The following UHRF1 variants were observed in gnomAD, a reference collection of about 807,000 sequenced individuals.
UHRF1 encodes the protein ubiquitin like with PHD and ring finger domains 1.
A neutral mutation model predicts 96.5 loss-of-function variants in UHRF1; 9 were observed. The ratio of observed to expected loss-of-function variants is 0.09; its 90% CI spans 0.06 to 0.16. The LOEUF is 0.16. Ranked by LOEUF, UHRF1 falls within the 10% of genes least tolerant of loss-of-function variation. The pLI, the probability that UHRF1 is intolerant of heterozygous loss-of-function variation, is 1.00. For synonymous variants in UHRF1, 455 were observed against 469.9 expected (o/e 0.97, Z 0.41); for missense variants, 626 against 1,131.1 (o/e 0.55, Z 6.40).
chr19:4,943,896 C>T (rs1278979008), intron 7 of UHRF1, among the ~76,000 whole-genome samples: 1 of 152,198 alleles, frequency 6.6e-6, no homozygotes, highest in Non-Finnish European at 1.5e-5. Context: ...GGTGATCTGC[C>T]CGCCTCGGCC....
At position 4,911,600 on chromosome 19, in the gene UHRF1, C is replaced by T. The variant is rs749448667; in HGVS notation, c.153+562C>T. Among the ~76,000 whole-genome samples the T allele has an allele frequency of 1.1e-4, 17 of 152,294 alleles. No homozygotes were observed. In the South Asian group the frequency reaches 1.4e-3, roughly 13 times the overall value. ...TGCTGCGGCTGCTGCTGACCTGGGG[C>T]GTGTGGTCCCCGAGGGGTCCACCGA... On this transcript the variant is annotated intron_variant, in intron 2 of 16. Coordinates refer to ENST00000650932, the MANE Select transcript of UHRF1 (RefSeq NM_001048201.3).
chr19:4,957,297 G>GTTTTTTTTT (rs59654364), intron 16 of UHRF1, among the ~76,000 whole-genome samples: 2 of 51,100 alleles, frequency 3.9e-5, no homozygotes, highest in African/African-American at 1.5e-4. Flanking sequence ...CCAGCTGATG[G>GTTTTTTTTT]TTTTTTTTTT....
At chr19:4,949,965 G>T (rs952860072) in intron 11 of UHRF1, among the ~76,000 whole-genome samples, 1 of 151,896 alleles carries the variant, frequency 6.6e-6, no homozygotes, top group Non-Finnish European at 1.5e-5. Context: ...CACCTCCTTG[G>T]GCTCCACTGA....
At chr19:4,929,117 C>T (rs1303635588) in intron 2 of UHRF1, 105 bp from the exon 3 acceptor site, 3 of 1,454,354 alleles carry the variant, frequency 2.1e-6, no homozygotes, top group African/African-American at 2.8e-5. Flanking sequence ...AGATTGCCCC[C>T]CCCCCACAAG....
At chr19:4,922,268 T>A (rs2032725245) in intron 2 of UHRF1, among the ~76,000 whole-genome samples, 1 of 151,360 alleles carries the variant, frequency 6.6e-6, no homozygotes, top group African/African-American at 2.4e-5. Flanking sequence ...ATGTTTTCAT[T>A]TATTTATTTG....
At chr19:4,943,087 A>G (rs936187272) in intron 7 of UHRF1, among the ~76,000 whole-genome samples, 1 of 151,818 alleles carries the variant, frequency 6.6e-6, no homozygotes, top group Non-Finnish European at 1.5e-5. Flanking sequence ...AAAATACAAA[A>G]AAGTTAGCCA....
intron 2 of UHRF1, among the ~76,000 whole-genome samples, chr19:4,920,897 G>A (rs1038084128): frequency 2.0e-5 from 3 of 152,018 alleles, no homozygotes; most frequent in African/African-American, 4.8e-5. Context: ...AGGCCAAGGC[G>A]GGTGGATCAC....
At chr19:4,953,883 T>G (rs1217347483) in intron 13 of UHRF1, among the ~76,000 whole-genome samples, 1 of 152,040 alleles carries the variant, frequency 6.6e-6, no homozygotes, top group Non-Finnish European at 1.5e-5. Flanking sequence ...CCATCTCTAC[T>G]AAAAATACAA....
chr19:4,943,253 AG>A (rs376638733), intron 7 of UHRF1, among the ~76,000 whole-genome samples: 1 of 151,780 alleles, frequency 6.6e-6, no homozygotes, highest in Admixed American at 6.6e-5. Context: ...ACAAAAAAAA[AG>A]GGGGGGTGGT....
chr19:4,912,359 C>G (rs1484544826), intron 2 of UHRF1, among the ~76,000 whole-genome samples: 1 of 152,216 alleles, frequency 6.6e-6, no homozygotes, highest in Non-Finnish European at 1.5e-5. Context: ...GCACAGAAGG[C>G]TTCATTTCAC....
chr19:4,930,979 A>G lies in UHRF1; in HGVS notation c.569+103A>G, dbSNP rs1284772381. ...AGCTTGGCACTGTCTCGAGATGGTG[A>G]TCAGGATCTGGGGCCCCATCCTCGA... is the stretch of plus-strand genomic sequence containing the variant. On this transcript the variant is annotated intron_variant, in intron 4 of 16. Transcript: ENST00000650932. This position sits in a 1 kb window ranked among gnomAD's most constrained non-coding sequence, Gnocchi z 4.4. The G allele has an allele frequency of 5.3e-6, 8 of 1,509,880 alleles. No individual in the cohort carries two copies. The highest frequency in any genetic ancestry group is 7.2e-6 in the Non-Finnish European group (8 of 1,110,266). 93.5% of individuals were successfully genotyped at this position (1,509,880 alleles called of 1,614,324 possible).
intron 5 of UHRF1, among the ~76,000 whole-genome samples, chr19:4,941,053 A>G (rs1340304502): frequency 2.1e-5 from 3 of 142,218 alleles, no homozygotes; most frequent in Non-Finnish European, 4.5e-5. Context: ...TTCCCAGGGC[A>G]TCCTGCAATG....
At chr19:4,922,141 C>T (rs1270190428) in intron 2 of UHRF1, among the ~76,000 whole-genome samples, 2 of 152,046 alleles carry the variant, frequency 1.3e-5, no homozygotes, top group Non-Finnish European at 2.9e-5. Flanking sequence ...GAGATGGAGT[C>T]TCACCATGTT....
chr19:4,960,543 G>A, intron 16 of UHRF1, 114 bp from the exon 17 acceptor site: 2 of 1,442,796 alleles, frequency 1.4e-6, no homozygotes, highest in Non-Finnish European at 1.9e-6. Flanking sequence ...TGAGACTGAA[G>A]GTCAGAGGGG....
At chr19:4,904,414 C>T (rs985498659) in intron 1 of UHRF1, among the ~76,000 whole-genome samples, 3 of 152,130 alleles carry the variant, frequency 2.0e-5, no homozygotes, top group African/African-American at 7.2e-5. Context: ...CTCCTGACCT[C>T]GTGATCCGCC....
chr19:4,911,590 T>A (rs1195146609), intron 2 of UHRF1, among the ~76,000 whole-genome samples: 1 of 152,216 alleles, frequency 6.6e-6, no homozygotes, highest in Non-Finnish European at 1.5e-5. Flanking sequence ...CGGCTGCTGC[T>A]GACCTGGGGC....
At chr19:4,941,977 C>A (rs768656775) in intron 7 of UHRF1, 46 bp downstream of exon 7, 17 of 1,435,870 alleles carry the variant, frequency 1.2e-5, no homozygotes, top group Non-Finnish European at 1.5e-5. Context: ...GCGCCCCCTA[C>A]AAATCCCCAG....
intron 15 of UHRF1, among the ~76,000 whole-genome samples, chr19:4,956,451 CATT>C (rs1001836091): frequency 2.0e-5 from 3 of 152,260 alleles, no homozygotes; most frequent in African/African-American, 7.2e-5. Context: ...TGCCCAGCAT[CATT>C]GAGGCTGGCG....
intron 7 of UHRF1, 76 bp from the exon 8 acceptor site, chr19:4,944,056 T>G (rs1251882140): frequency 6.3e-7 from 1 of 1,584,590 alleles, no homozygotes; most frequent in Non-Finnish European, 8.6e-7. Context: ...ATGTCCGTGG[T>G]GTGTGGGCAG....
Sources: allele counts gnomAD v4.1 joint callset (sites outside exome capture counted in the v4.1 genomes callset), GRCh38; gene constraint gnomAD v4.1.1; non-coding constraint Gnocchi (gnomAD v3.1); transcripts MANE v1.5; gene names NCBI Gene and HGNC (gene_info 2026-07-23, HGNC 2026-07-21).